Variants in RSPH14 observed in about 807,000 individuals in gnomAD.
The protein encoded by RSPH14 is rhabdoid tumor deletion region gene 1.
In RSPH14, 20 loss-of-function variants were observed where a neutral mutation model predicts 26.7. The observed-to-expected ratio is 0.75, with a 90% CI of 0.53 to 1.09. The LOEUF is 1.09. Among genes scored for constraint, RSPH14 ranks in the 50% least tolerant of loss-of-function variants. The pLI is 0.00. For synonymous variants in RSPH14, 177 were observed against 189.3 expected (o/e 0.93, Z 0.53); for missense variants, 449 against 457.2 (o/e 0.98, Z 0.16).
At chr22:23,133,876 C>T (rs530095818) in intron 4 of RSPH14, 150 bp downstream of exon 4, 11 of 586,216 alleles carry the variant, frequency 1.9e-5, no homozygotes, top group African/African-American at 5.5e-5. Flanking sequence ...GTGTGAGCCA[C>T]CACACCCAGC....
chr22:23,102,624 G>T (rs1261652647), intron 4 of RSPH14, among the ~76,000 whole-genome samples: 1 of 152,248 alleles, frequency 6.6e-6, no homozygotes, highest in Non-Finnish European at 1.5e-5. Flanking sequence ...TGCTCTGCCT[G>T]CAGGGCCTTT....
At chr22:23,124,606 ATTTGTGGC>A in intron 4 of RSPH14, 1 of 219,362 alleles carries the variant, frequency 4.6e-6, no homozygotes, top group Non-Finnish European at 9.9e-6. Flanking sequence ...AGAGTAAATT[ATTTGTGGC>A]TTTGCTGAGT....
upstream of RSPH14, among the ~76,000 whole-genome samples, chr22:23,142,678 T>C (rs2070623961): frequency 6.6e-6 from 1 of 152,224 alleles, no homozygotes. Flanking sequence ...CAAGACTGCC[T>C]AGCCCTGCCC....
At chr22:23,126,620 G>A (rs531410942) in intron 4 of RSPH14, among the ~76,000 whole-genome samples, 2 of 152,356 alleles carry the variant, frequency 1.3e-5, no homozygotes, top group African/African-American at 2.4e-5. Context: ...TGGAGAAGGC[G>A]CATGCTGAGC....
chr22:23,111,274 G>A (rs2069648523), intron 4 of RSPH14, among the ~76,000 whole-genome samples: 1 of 152,238 alleles, frequency 6.6e-6, no homozygotes, highest in South Asian at 2.1e-4. Flanking sequence ...AGCAGAGCCA[G>A]AGAGGCTCTC....
At position 23,138,870 on chromosome 22, in the gene RSPH14, A is replaced by G. The variant is rs376036527; in HGVS notation, c.272T>C (p.Leu91Pro). ...CACGCTATGGCTTGCCGTGATGTGG[A>G]GCACCTCGGTGGTCTTTATGCGCAC... ...SMVRIKTTEV[L>P]HITASHSVGR... The change falls in exon 3 of 7, where the codon CTC becomes CCC. Residue 91 changes from leucine to proline, a missense_variant. Leu to Pro is a moderately conservative substitution (Grantham distance 98). Coordinates refer to ENST00000216036, the MANE Select transcript of RSPH14 (RefSeq NM_014433.3). The G allele has an allele frequency of 1.7e-4, 267 of 1,551,716 alleles. No individual in the cohort carries two copies. The highest frequency in any genetic ancestry group is 3.5e-4 in the Admixed American group (18 of 51,062).
upstream of RSPH14, chr22:23,145,647 C>G: frequency 3.0e-6 from 4 of 1,339,090 alleles, no homozygotes; most frequent in South Asian, 4.1e-5. Flanking sequence ...AGCGTCCGCG[C>G]CCACTTCCCG....
intron 4 of RSPH14, among the ~76,000 whole-genome samples, chr22:23,117,745 A>T (rs1343803225): frequency 6.6e-6 from 1 of 152,204 alleles, no homozygotes; most frequent in Non-Finnish European, 1.5e-5. Context: ...AGGCCCAGAG[A>T]AAGGAAATGA....
intron 4 of RSPH14, among the ~76,000 whole-genome samples, chr22:23,111,028 G>A (rs550435534): frequency 1.3e-5 from 2 of 152,214 alleles, no homozygotes; most frequent in African/African-American, 4.8e-5. Context: ...TTCGAATGAG[G>A]GGGTAGGATA....
Position 23,101,562 on chromosome 22 carries a change from C to T in RSPH14, c.421+32464G>A, listed in dbSNP as rs540290525. 5.3e-5 allele frequency among the ~76,000 whole-genome samples: 8 copies of T among 152,336 alleles called. No homozygotes were observed. The South Asian group carries it at 1.7e-3, about 32-fold the overall frequency. On this transcript the variant is annotated intron_variant, in intron 4 of 6. Transcript: ENST00000216036. ...CCTAGCAGAACATGGCCTCACTCTG[C>T]CTCCTGTTCCTGACCTGGTCAAGGG... is the stretch of plus-strand genomic sequence containing the variant.
At chr22:23,159,071 G>C in the RSPH14 span, 1 of 1,586,948 alleles carries the variant, frequency 6.3e-7, no homozygotes, top group African/African-American at 1.3e-5. Flanking sequence ...AGGGAGGGAG[G>C]CAGCACAGTG....
chr22:23,079,680 C>T (rs866093592), intron 4 of RSPH14, among the ~76,000 whole-genome samples: 21 of 152,180 alleles, frequency 1.4e-4, no homozygotes, highest in African/African-American at 4.8e-4. Flanking sequence ...GACAGCAAGA[C>T]CAGAGAAGTC....
the RSPH14 span, among the ~76,000 whole-genome samples, chr22:23,156,520 C>T: frequency 6.6e-6 from 1 of 152,154 alleles, no homozygotes; most frequent in Non-Finnish European, 1.5e-5. Flanking sequence ...CTGGGCAGGG[C>T]TCACCGTCAG....
chr22:23,074,749 C>T (rs956562744), intron 4 of RSPH14, among the ~76,000 whole-genome samples: 3 of 152,148 alleles, frequency 2.0e-5, no homozygotes, highest in Non-Finnish European at 2.9e-5. Context: ...GTCACAGTGG[C>T]GCCTCGGGAG....
intron 4 of RSPH14, among the ~76,000 whole-genome samples, chr22:23,130,082 AGG>A (rs1207532046): frequency 1.4e-4 from 4 of 28,852 alleles, no homozygotes; most frequent in South Asian, 7.2e-4. Flanking sequence ...AAAGAAAGAA[AGG>A]AAGAAAGAAA....
intron 4 of RSPH14, among the ~76,000 whole-genome samples, chr22:23,097,740 T>C (rs2069169149): frequency 6.6e-6 from 1 of 152,272 alleles, no homozygotes; most frequent in Admixed American, 6.5e-5. Context: ...TCAGGCTCCC[T>C]TGATGAGGCA....
chr22:23,116,572 CTG>C (rs2069841948), intron 4 of RSPH14, among the ~76,000 whole-genome samples: 1 of 152,230 alleles, frequency 6.6e-6, no homozygotes, highest in African/African-American at 2.4e-5. Context: ...ATGCCCCACT[CTG>C]GGCTCCTCAG....
At chr22:23,106,255 A>T (rs920623656) in intron 4 of RSPH14, among the ~76,000 whole-genome samples, 1 of 152,172 alleles carries the variant, frequency 6.6e-6, no homozygotes, top group East Asian at 1.9e-4. Flanking sequence ...AGCAAAACAG[A>T]GTGACATGAG....
intron 2 of RSPH14, 85 bp downstream of exon 2, chr22:23,140,137 G>C (rs893580816): frequency 6.5e-7 from 1 of 1,549,058 alleles, no homozygotes; most frequent in Admixed American, 1.7e-5. Flanking sequence ...TCAAACAATA[G>C]CAACCCTTAT....
Sources: gnomAD v4.1 joint callset for allele counts (sites outside exome capture counted in the v4.1 genomes callset) on GRCh38, gnomAD v4.1.1 for gene constraint, MANE v1.5 for transcripts, NCBI Gene and HGNC (gene_info 2026-07-23, HGNC 2026-07-21) for gene names.